Variants in CAMKMT observed in about 807,000 individuals in gnomAD.
CAMKMT encodes CaM KMT.
A neutral mutation model predicts 48.0 loss-of-function variants in CAMKMT; 53 were observed. The ratio of observed to expected loss-of-function variants is 1.10; its 90% CI spans 0.89 to 1.39. The LOEUF (loss-of-function observed/expected upper bound fraction) is 1.39, where lower values mean the gene tolerates loss of function less well. Among genes scored for constraint, CAMKMT ranks in the 40% most tolerant of loss-of-function variants. The probability of loss-of-function intolerance (pLI) is 0.00; values close to 1 mark genes in which losing one functional copy is unlikely to be tolerated. For missense variants in CAMKMT, 428 were observed against 402.7 expected, an observed-to-expected ratio of 1.06 and a Z score of -0.54; for synonymous variants, 165 against 152.3, an observed-to-expected ratio of 1.08 and a Z score of -0.61.
At chr2:44,539,425 G>T (rs1666970099) in intron 3 of CAMKMT, among the ~76,000 whole-genome samples, 1 of 151,928 alleles carries the variant, frequency 6.6e-6, no homozygotes, top group Admixed American at 6.6e-5. Flanking sequence ...AAGTATTTCA[G>T]TGTGAATTTT....
In CAMKMT at chr2:44,502,314, C is replaced by T. The variant is rs144943791; in HGVS notation, c.376+112009C>T. Among the ~76,000 whole-genome samples, 1,301 of 152,058 alleles carry T rather than the reference C, an allele frequency of 8.6e-3. 11 individuals carry two copies. Among genetic ancestry groups the T allele is most frequent in the African/African-American group, 0.024 (998 of 41,470 alleles). ...TTGTATCTCTCCCCTAAACCCTGCC[C>T]TGTGCTCTTGTGTGCCCTGTGACTG... On this transcript the variant is annotated intron_variant, in intron 3 of 10. Coordinates refer to ENST00000378494, the MANE Select transcript of CAMKMT (RefSeq NM_024766.5).
intron 3 of CAMKMT, among the ~76,000 whole-genome samples, chr2:44,685,322 A>G (rs1049016741): frequency 6.6e-6 from 1 of 152,206 alleles, no homozygotes; most frequent in Non-Finnish European, 1.5e-5. Context: ...AATGAGATGG[A>G]CAGAGGGAAA....
chr2:44,422,385 T>C (rs923906331), intron 3 of CAMKMT, among the ~76,000 whole-genome samples: 1 of 152,308 alleles, frequency 6.6e-6, no homozygotes, highest in Admixed American at 6.5e-5. Context: ...GACTAACTTA[T>C]GTAGAAATAA....
intron 3 of CAMKMT, among the ~76,000 whole-genome samples, chr2:44,414,214 G>A (rs1683399901): frequency 6.6e-6 from 1 of 152,134 alleles, no homozygotes; most frequent in Non-Finnish European, 1.5e-5. Context: ...TTATCTCCAT[G>A]TATTATTTAT....
At chr2:44,401,767 A>T (rs1296283695) in intron 3 of CAMKMT, among the ~76,000 whole-genome samples, 1 of 152,130 alleles carries the variant, frequency 6.6e-6, no homozygotes, top group African/African-American at 2.4e-5. Context: ...CTATATGTAG[A>T]TCAATTTCTT....
At chr2:44,580,398 A>G (rs1669489252) in intron 3 of CAMKMT, among the ~76,000 whole-genome samples, 1 of 152,186 alleles carries the variant, frequency 6.6e-6, no homozygotes, top group African/African-American at 2.4e-5. Context: ...TCCTCTTTAA[A>G]TGATGTATGT....
intron 3 of CAMKMT, among the ~76,000 whole-genome samples, chr2:44,520,473 A>G (rs1671050574): frequency 6.6e-6 from 1 of 152,120 alleles, no homozygotes. Flanking sequence ...TCTATCATTA[A>G]GTGGTTATAT....
chr2:44,492,889 CT>C (rs11400501), intron 3 of CAMKMT, among the ~76,000 whole-genome samples: 109 of 142,850 alleles, frequency 7.6e-4, no homozygotes, highest in East Asian at 5.5e-3. Flanking sequence ...CATATTGTAT[CT>C]TTTTTTTTTT....
At chr2:44,768,603 T>C (rs1036921625) in intron 10 of CAMKMT, among the ~76,000 whole-genome samples, 3 of 151,994 alleles carry the variant, frequency 2.0e-5, no homozygotes, top group African/African-American at 7.2e-5. Context: ...CCCATCCCCA[T>C]GCCCTGCAGC....
chr2:44,671,996 G>A (rs766511052), intron 3 of CAMKMT, among the ~76,000 whole-genome samples: 6 of 152,076 alleles, frequency 3.9e-5, no homozygotes, highest in African/African-American at 7.2e-5. Flanking sequence ...ACTGTAATGC[G>A]ATTATAGAAA....
chr2:44,755,775 C>G (rs1266498388), intron 9 of CAMKMT, among the ~76,000 whole-genome samples: 1 of 152,212 alleles, frequency 6.6e-6, no homozygotes, highest in Non-Finnish European at 1.5e-5. Context: ...CAGCAGCCCC[C>G]TCTGAGCAAG....
chr2:44,371,278 G>T (rs1283865154), intron 1 of CAMKMT, among the ~76,000 whole-genome samples: 1 of 152,034 alleles, frequency 6.6e-6, no homozygotes, highest in Non-Finnish European at 1.5e-5. Flanking sequence ...GAGCCACTGT[G>T]CCCAGCCTAT....
intron 3 of CAMKMT, among the ~76,000 whole-genome samples, chr2:44,610,254 T>C (rs1363476822): frequency 1.3e-5 from 2 of 152,210 alleles, no homozygotes; most frequent in African/African-American, 4.8e-5. Flanking sequence ...TATAGTCTAT[T>C]AATAGTTGAA....
chr2:44,366,300 C>T (rs1678583700), intron 1 of CAMKMT, among the ~76,000 whole-genome samples: 1 of 152,208 alleles, frequency 6.6e-6, no homozygotes, highest in South Asian at 2.1e-4. Context: ...TTGACACTGG[C>T]GTCAGATGCA....
intron 3 of CAMKMT, among the ~76,000 whole-genome samples, chr2:44,415,016 T>C (rs1278625101): frequency 6.6e-6 from 1 of 152,184 alleles, no homozygotes; most frequent in Admixed American, 6.5e-5. Flanking sequence ...TATCTGGGCA[T>C]GGCGGTGTGC....
intron 3 of CAMKMT, among the ~76,000 whole-genome samples, chr2:44,628,137 G>A (rs1262687944): frequency 6.6e-6 from 1 of 151,948 alleles, no homozygotes; most frequent in Non-Finnish European, 1.5e-5. Flanking sequence ...TTGTAGAGAT[G>A]GCATCTCACT....
Position 44,563,924 on chromosome 2 carries a change from C to T in CAMKMT, c.377-140359C>T, listed in dbSNP as rs374886294. Among the ~76,000 whole-genome samples the T allele has an allele frequency of 7.0e-4, 106 of 152,148 alleles. 2 individuals are homozygous for T. In the South Asian group the frequency reaches 0.017, roughly 24 times the overall value. Reference sequence around the variant, plus strand: ...AAGTCTTTGCTATTGTGAATAGTGCCGCAATGAACATACATGTGCATATGT... The same window carrying T: ...AAGTCTTTGCTATTGTGAATAGTGCTGCAATGAACATACATGTGCATATGT... On this transcript the variant is annotated intron_variant, in intron 3 of 10. Transcript: ENST00000378494.
At chr2:44,648,162 G>A (rs565688939) in intron 3 of CAMKMT, among the ~76,000 whole-genome samples, 2 of 151,926 alleles carry the variant, frequency 1.3e-5, no homozygotes, top group South Asian at 4.1e-4. Flanking sequence ...ATTATGTATA[G>A]TATAATGCCA....
chr2:44,440,542 G>A (rs1323990227), intron 3 of CAMKMT, among the ~76,000 whole-genome samples: 1 of 151,782 alleles, frequency 6.6e-6, no homozygotes, highest in African/African-American at 2.4e-5. Flanking sequence ...CTAACTCTAT[G>A]GCTTTTTAAA....
Sources: gnomAD v4.1 joint callset for allele counts (sites outside exome capture counted in the v4.1 genomes callset) on GRCh38, gnomAD v4.1.1 for gene constraint, MANE v1.5 for transcripts, NCBI Gene and HGNC (gene_info 2026-07-23, HGNC 2026-07-21) for gene names.